The following LRFN5 variants were observed in gnomAD, a reference collection of about 807,000 sequenced individuals.
LRFN5 encodes leucine-rich repeat and fibronectin type-III domain-containing protein 5.
In LRFN5, 24 loss-of-function variants were observed where a neutral mutation model predicts 45.6. That is an observed-to-expected ratio of 0.53 (90% CI 0.38 to 0.74). The LOEUF (loss-of-function observed/expected upper bound fraction) is 0.74, where lower values mean the gene tolerates loss of function less well. LRFN5 is among the 30% of genes least tolerant of loss of function. LRFN5 has a pLI of 0.00. For synonymous variants in LRFN5, 340 were observed against 313.8 expected, an observed-to-expected ratio of 1.08 and a Z score of -0.88; for missense variants, 776 against 861.5, an observed-to-expected ratio of 0.90 and a Z score of 1.24.
At position 41,858,092 on chromosome 14, in the gene LRFN5, G is replaced by T. The variant is rs181232551; in HGVS notation, c.-20-28514G>T. ...ATTATATTAAGAGATGACATTGTGG[G>T]TTTTTAATTTCAAACATTAACGTAT... On this transcript the variant is annotated intron_variant, in intron 2 of 5. Coordinates refer to ENST00000298119, the MANE Select transcript of LRFN5 (RefSeq NM_152447.5). 2.6e-5 allele frequency among the ~76,000 whole-genome samples: 4 copies of T among 152,280 alleles called. No individual in the cohort carries two copies. The East Asian group carries it at 5.8e-4, about 22-fold the overall frequency.
At chr14:41,618,983 A>G (rs1888018481) in intron 1 of LRFN5, among the ~76,000 whole-genome samples, 1 of 152,112 alleles carries the variant, frequency 6.6e-6, no homozygotes, top group Non-Finnish European at 1.5e-5. Context: ...TGCCTAATTT[A>G]TAACGTAGTG....
chr14:41,752,919 A>G (rs1174597360), intron 1 of LRFN5, among the ~76,000 whole-genome samples: 3 of 152,088 alleles, frequency 2.0e-5, no homozygotes, highest in Admixed American at 2.0e-4. Flanking sequence ...TAAGTCTTTA[A>G]TCCATGTTGA....
At chr14:41,621,976 C>A (rs1888151014) in intron 1 of LRFN5, among the ~76,000 whole-genome samples, 1 of 152,008 alleles carries the variant, frequency 6.6e-6, no homozygotes, top group South Asian at 2.1e-4. Flanking sequence ...CCTGACAGTC[C>A]TAACAAAAAT....
At chr14:41,864,746 C>T (rs1889782848) in intron 2 of LRFN5, among the ~76,000 whole-genome samples, 2 of 152,068 alleles carry the variant, frequency 1.3e-5, no homozygotes, top group South Asian at 4.1e-4. Flanking sequence ...TTTACATATA[C>T]TACATTAGTG....
chr14:41,629,206 G>T (rs1054366571), intron 1 of LRFN5, among the ~76,000 whole-genome samples: 10 of 152,132 alleles, frequency 6.6e-5, no homozygotes, highest in African/African-American at 2.4e-4. Flanking sequence ...GTTGGGTTGA[G>T]AATGTCTTTA....
chr14:41,758,134 C>T (rs1885494256), intron 1 of LRFN5, among the ~76,000 whole-genome samples: 1 of 152,122 alleles, frequency 6.6e-6, no homozygotes, highest in Non-Finnish European at 1.5e-5. Flanking sequence ...CAAGGTTTTT[C>T]CAACCACTTT....
chr14:41,684,784 G>A (rs1882050669), intron 1 of LRFN5, among the ~76,000 whole-genome samples: 1 of 152,120 alleles, frequency 6.6e-6, no homozygotes, highest in South Asian at 2.1e-4. Context: ...GGCAACCAAA[G>A]GAAAAATTGT....
intron 1 of LRFN5, among the ~76,000 whole-genome samples, chr14:41,704,703 G>T (rs1406218153): frequency 6.6e-6 from 1 of 151,922 alleles, no homozygotes; most frequent in African/African-American, 2.4e-5. Context: ...AGTTGCAGAG[G>T]TGTTTCTTAG....
chr14:41,730,243 A>T (rs890537614), intron 1 of LRFN5, among the ~76,000 whole-genome samples: 1 of 152,088 alleles, frequency 6.6e-6, no homozygotes, highest in Non-Finnish European at 1.5e-5. Context: ...TACAAAGATG[A>T]TATGAACTAC....
At chr14:41,797,606 C>G (rs983021456) in intron 2 of LRFN5, among the ~76,000 whole-genome samples, 1 of 151,268 alleles carries the variant, frequency 6.6e-6, no homozygotes, top group Non-Finnish European at 1.5e-5. Context: ...AAATTTCCAG[C>G]CAGACAAAAA....
At chr14:41,810,262 G>A (rs1887691206) in intron 2 of LRFN5, among the ~76,000 whole-genome samples, 1 of 151,922 alleles carries the variant, frequency 6.6e-6, no homozygotes, top group South Asian at 2.1e-4. Context: ...AGAGCTATAG[G>A]TAACAATACA....
intron 1 of LRFN5, among the ~76,000 whole-genome samples, chr14:41,765,214 C>T (rs1026810611): frequency 9.9e-5 from 15 of 151,546 alleles, no homozygotes; most frequent in African/African-American, 3.6e-4. Flanking sequence ...TAGTGGCGGG[C>T]GCCTGTATTC....
intron 1 of LRFN5, among the ~76,000 whole-genome samples, chr14:41,762,427 TC>T (rs1179421175): frequency 2.6e-5 from 4 of 152,152 alleles, no homozygotes; most frequent in African/African-American, 9.6e-5. Context: ...GTAAAAGTTT[TC>T]CTATAGCCAA....
chr14:41,690,026 G>A (rs1400228619), intron 1 of LRFN5, among the ~76,000 whole-genome samples: 1 of 151,472 alleles, frequency 6.6e-6, no homozygotes, highest in East Asian at 1.9e-4. Flanking sequence ...TTCAAAATAG[G>A]ATGCCAGAAT....
chr14:41,649,656 C>T (rs1198443295), intron 1 of LRFN5, among the ~76,000 whole-genome samples: 1 of 152,134 alleles, frequency 6.6e-6, no homozygotes, highest in Non-Finnish European at 1.5e-5. Context: ...TTATCAGGTT[C>T]CTCATCCTCC....
chr14:41,613,478 C>G (rs945397375), intron 1 of LRFN5, among the ~76,000 whole-genome samples: 2 of 151,914 alleles, frequency 1.3e-5, no homozygotes, highest in African/African-American at 4.8e-5. Flanking sequence ...AAACTCAAAG[C>G]TCACACTGTT....
At chr14:41,617,920 G>C (rs1283260671) in intron 1 of LRFN5, among the ~76,000 whole-genome samples, 1 of 152,006 alleles carries the variant, frequency 6.6e-6, no homozygotes, top group Non-Finnish European at 1.5e-5. Flanking sequence ...GAACACTCTG[G>C]CATTTGTCTC....
chr14:41,901,432 TTGTG>T (rs3032306), intron 5 of LRFN5, among the ~76,000 whole-genome samples: 50,706 of 147,282 alleles, frequency 0.34, 8,604 homozygotes, highest in East Asian at 0.58. Flanking sequence ...TATGTATGCA[TTGTG>T]TGTGTGTGTG....
At chr14:41,801,064 GT>G (rs1380800789) in intron 2 of LRFN5, among the ~76,000 whole-genome samples, 7 of 152,044 alleles carry the variant, frequency 4.6e-5, no homozygotes, top group Non-Finnish European at 7.4e-5. Flanking sequence ...CAATATCAGA[GT>G]TTATATATGT....
Sources: allele counts gnomAD v4.1 joint callset (sites outside exome capture counted in the v4.1 genomes callset), GRCh38; gene constraint gnomAD v4.1.1; transcripts MANE v1.5; gene names NCBI Gene and HGNC (gene_info 2026-07-23, HGNC 2026-07-21).